The following METTL25 variants were observed in gnomAD, a reference collection of about 807,000 sequenced individuals.
METTL25 encodes the protein methyltransferase like 25.
METTL25 carries 64 observed loss-of-function variants against 71.6 expected under a neutral mutation model. That is an observed-to-expected ratio of 0.89 (90% CI 0.73 to 1.10). The LOEUF (loss-of-function observed/expected upper bound fraction) is 1.10. Among genes scored for constraint, METTL25 ranks in the 50% least tolerant of loss-of-function variants. The pLI is 0.00. For missense variants in METTL25, 807 were observed against 707.0 expected (o/e 1.14, Z -1.60); for synonymous variants, 287 against 250.3 (o/e 1.15, Z -1.38).
chr12:82,391,985 A>G (rs912306477), intron 3 of METTL25, among the ~76,000 whole-genome samples: 1 of 151,196 alleles, frequency 6.6e-6, no homozygotes, highest in Non-Finnish European at 1.5e-5. Flanking sequence ...ATGCTTAGTG[A>G]TATTGGACAT....
At chr12:82,422,184 A>T (rs576091490) in intron 5 of METTL25, among the ~76,000 whole-genome samples, 3 of 152,196 alleles carry the variant, frequency 2.0e-5, no homozygotes, top group African/African-American at 7.2e-5. Context: ...CAGCACATCA[A>T]AAAGCTTATC....
chr12:82,470,022 T>C (rs1024626609), intron 9 of METTL25, among the ~76,000 whole-genome samples: 1 of 152,198 alleles, frequency 6.6e-6, no homozygotes, highest in Non-Finnish European at 1.5e-5. Flanking sequence ...CGCTTTAGAA[T>C]TGTATGTTCT....
At chr12:82,375,660 GAATT>G (rs1883769142) in intron 1 of METTL25, among the ~76,000 whole-genome samples, 1 of 152,200 alleles carries the variant, frequency 6.6e-6, no homozygotes, top group African/African-American at 2.4e-5. Flanking sequence ...GCAGTAGGCT[GAATT>G]AGTGAGGTCC....
chr12:82,433,144 T>C (rs1889650027), intron 6 of METTL25, among the ~76,000 whole-genome samples: 2 of 151,646 alleles, frequency 1.3e-5, no homozygotes, highest in African/African-American at 2.4e-5. Flanking sequence ...GTAATCACAA[T>C]TTATTATTTC....
chr12:82,386,467 C>T (rs371790653), intron 1 of METTL25, among the ~76,000 whole-genome samples: 3 of 110,176 alleles, frequency 2.7e-5, no homozygotes, highest in African/African-American at 6.8e-5. Flanking sequence ...CTCTCTCTCC[C>T]TTCCTCCCTC....
At chr12:82,426,271 GGT>G (rs1410180476) in intron 5 of METTL25, among the ~76,000 whole-genome samples, 1 of 152,040 alleles carries the variant, frequency 6.6e-6, no homozygotes, top group Non-Finnish European at 1.5e-5. Context: ...AAAGAGCAAA[GGT>G]GTGAGGCCAC....
intron 5 of METTL25, among the ~76,000 whole-genome samples, chr12:82,406,830 G>T (rs1041965006): frequency 2.0e-5 from 3 of 152,104 alleles, no homozygotes; most frequent in Non-Finnish European, 4.4e-5. Flanking sequence ...GATATCCACT[G>T]TGTCTTGAAA....
At chr12:82,385,375 C>T (rs112411445) in intron 1 of METTL25, among the ~76,000 whole-genome samples, 23 of 152,144 alleles carry the variant, frequency 1.5e-4, no homozygotes, top group African/African-American at 4.3e-4. Flanking sequence ...CTGGAGAAGA[C>T]TTCATAGCCT....
Position 82,398,832 on chromosome 12 carries a change from C to CT in METTL25, c.575dup (p.Leu192PhefsTer13). On this transcript the variant is annotated frameshift_variant, in exon 4 of 12. Coordinates refer to ENST00000248306, the MANE Select transcript of METTL25 (RefSeq NM_032230.3). LOFTEE classifies it high-confidence loss of function. The stretch of plus-strand genomic sequence containing the variant: ...GGTTCCGGTAAAGGCTACCTAAGCT[C>CT]TTTTTTGTCCTTGAAGTATGGCTTA... 1.9e-6 allele frequency: 3 copies of CT among 1,575,804 alleles called. No individual in the cohort carries two copies. The highest frequency in any genetic ancestry group is 2.0e-5 in the Admixed American group (1 of 49,198).
intron 1 of METTL25, among the ~76,000 whole-genome samples, chr12:82,359,708 C>G (rs1881557544): frequency 6.6e-6 from 1 of 152,100 alleles, no homozygotes; most frequent in Admixed American, 6.5e-5. Context: ...CAAGCTTTTC[C>G]TACCCTCAAG....
At chr12:82,475,934 G>A (rs909801221) in intron 9 of METTL25, among the ~76,000 whole-genome samples, 17 of 151,900 alleles carry the variant, frequency 1.1e-4, no homozygotes, top group African/African-American at 3.4e-4. Flanking sequence ...TGTCATGTTG[G>A]CACTCAAAAA....
intron 9 of METTL25, among the ~76,000 whole-genome samples, chr12:82,470,815 T>C (rs998340032): frequency 5.3e-5 from 8 of 152,228 alleles, no homozygotes; most frequent in African/African-American, 1.9e-4. Context: ...ATTGTAAAGA[T>C]ACCTTCAGTT....
chr12:82,365,349 A>T (rs1592578674), intron 1 of METTL25, among the ~76,000 whole-genome samples: 1 of 152,210 alleles, frequency 6.6e-6, no homozygotes, highest in Non-Finnish European at 1.5e-5. Context: ...ACAATAAAAT[A>T]CCCTGGGAAT....
intron 3 of METTL25, among the ~76,000 whole-genome samples, chr12:82,390,837 G>A (rs1458370246): frequency 6.6e-6 from 1 of 152,046 alleles, no homozygotes; most frequent in South Asian, 2.1e-4. Context: ...CGGAGTCGAA[G>A]AGGCAAGCCC....
At chr12:82,477,158 T>G in intron 10 of METTL25, 123 bp from the exon 11 acceptor site, 1 of 494,968 alleles carries the variant, frequency 2.0e-6, no homozygotes, top group Admixed American at 3.2e-5. Context: ...TGTACCTGGA[T>G]TTTGGAGATT....
At position 82,456,826 on chromosome 12, in the gene METTL25, T is replaced by C; in HGVS notation, c.1572+6T>C. 3 of 1,357,322 alleles carry C rather than the reference T, an allele frequency of 2.2e-6. No individual in the cohort carries two copies. The highest frequency in any genetic ancestry group is 3.0e-5 in the South Asian group (2 of 67,030). The allele number at this position is 1,357,322 out of a possible 1,614,324, so 84.1% of individuals were successfully genotyped here. A position where few individuals can be genotyped will look rare whatever the true frequency, so the allele number is the denominator to read the frequency against. On this transcript the variant is annotated splice_donor_region_variant and intron_variant, in intron 9 of 11. Transcript: ENST00000248306. ...TTGGATTAGATGAGTCCAAGGTCAG[T>C]ATATGATGACTCATTATTTTCAGAA...
At chr12:82,409,805 A>G (rs1479495916) in intron 5 of METTL25, among the ~76,000 whole-genome samples, 2 of 152,084 alleles carry the variant, frequency 1.3e-5, no homozygotes, top group African/African-American at 2.4e-5. Context: ...TCTCCCAAAG[A>G]TTCCTCCATT....
chr12:82,386,743 A>T (rs1885061135), intron 1 of METTL25, 60 bp from the exon 2 acceptor site: 2 of 1,338,630 alleles, frequency 1.5e-6, no homozygotes, highest in Admixed American at 3.7e-5. Context: ...TTGTTTATTA[A>T]TATCACACTA....
intron 8 of METTL25, among the ~76,000 whole-genome samples, chr12:82,452,547 C>A (rs558779315): frequency 4.5e-4 from 68 of 152,260 alleles, no homozygotes; most frequent in African/African-American, 1.6e-3. Flanking sequence ...CAATATTTAT[C>A]CTTAAAACTA....
Sources: gnomAD v4.1 joint callset for allele counts (sites outside exome capture counted in the v4.1 genomes callset) on GRCh38, gnomAD v4.1.1 for gene constraint, MANE v1.5 for transcripts, NCBI Gene and HGNC (gene_info 2026-07-23, HGNC 2026-07-21) for gene names.